Variants in GAS2L1 observed in about 807,000 individuals in gnomAD.
GAS2L1 encodes the protein GAS2-like protein 1.
GAS2L1 carries 26 observed loss-of-function variants against 44.0 expected under a neutral mutation model. That is an observed-to-expected ratio of 0.59 (90% CI 0.43 to 0.82). The LOEUF is 0.82. Among genes scored for constraint, GAS2L1 ranks in the 40% least tolerant of loss-of-function variants. The pLI is 0.00. For missense variants in GAS2L1, 1,006 were observed against 983.0 expected, an observed-to-expected ratio of 1.02 and a Z score of -0.31; for synonymous variants, 426 against 415.9, an observed-to-expected ratio of 1.02 and a Z score of -0.30.
intron 1 of GAS2L1, among the ~76,000 whole-genome samples, chr22:29,309,114 C>G (rs1457602866): frequency 1.3e-5 from 2 of 152,220 alleles, no homozygotes; most frequent in Non-Finnish European, 2.9e-5. Context: ...CAGATGTACC[C>G]ACAACCTCAT....
exon 5 of GAS2L1, chr22:29,312,105 G>A: frequency 1.2e-6 from 2 of 1,612,816 alleles, no homozygotes; most frequent in Non-Finnish European, 1.7e-6. Flanking sequence ...TCGGGCCCCC[G>A]ACCCTCCAGC....
exon 5 of GAS2L1, chr22:29,312,240 G>C (rs1363317592): frequency 6.2e-7 from 1 of 1,612,928 alleles, no homozygotes; most frequent in Non-Finnish European, 8.5e-7. Context: ...CCGAAGCCAA[G>C]CCCTTTCCAG....
rs61737777 is a variant in GAS2L1, at chr22:29,310,929, G to A, written c.941G>A (p.Arg314Gln). 1,146 of 1,613,704 alleles carry A rather than the reference G, an allele frequency of 7.1e-4. 6 individuals are homozygous for A. The African/African-American group carries it at 0.011, about 15-fold the overall frequency. The change falls in exon 4 of 5, where the codon CGG becomes CAG. Residue 314 changes from arginine to glutamine, a missense_variant. Transcript: ENST00000618518. ...AGCCCAGTCCCTGGGAGTGAGCGCC[G>A]GGGCTCCCGGCCTGAGATGACTCCC...
At chr22:29,308,625 G>T in exon 1 of GAS2L1, 1 of 1,583,854 alleles carries the variant, frequency 6.3e-7, no homozygotes, top group Non-Finnish European at 8.6e-7. Context: ...TGCACCCCCA[G>T]CCCCCAACGC....
intron 1 of GAS2L1, 162 bp from the exon 3 acceptor site, chr22:29,310,277 T>G (rs866554140): frequency 1.3e-4 from 52 of 394,940 alleles, no homozygotes; most frequent in African/African-American, 1.0e-3. Context: ...ATAAAAAAAA[T>G]AAAAGAAAGG....
exon 1 of GAS2L1, chr22:29,308,648 G>T: frequency 1.9e-6 from 3 of 1,568,078 alleles, no homozygotes; most frequent in Non-Finnish European, 2.6e-6. Flanking sequence ...CTGCCGCTGG[G>T]GAGGACACCA....
chr22:29,310,259 AAAAAAAAAT>A (rs1249334524), intron 1 of GAS2L1, 171 bp from the exon 3 acceptor site: 25 of 328,878 alleles, frequency 7.6e-5, no homozygotes, highest in South Asian at 2.4e-4. Flanking sequence ...AAAAAAAAAT[AAAAAAAAAT>A]AAAAAAAATA....
exon 1 of GAS2L1, chr22:29,308,012 G>A: frequency 9.8e-7 from 1 of 1,020,930 alleles, no homozygotes; most frequent in Non-Finnish European, 1.3e-6. Context: ...ACTGGTGCAG[G>A]TGGCCAGCAG....
intron 1 of GAS2L1, among the ~76,000 whole-genome samples, chr22:29,309,354 C>A (rs1440245599): frequency 6.6e-6 from 1 of 152,236 alleles, no homozygotes; most frequent in Non-Finnish European, 1.5e-5. Context: ...CTGGGCCCTG[C>A]CCCCAAGTCT....
At chr22:29,311,968 C>T in exon 5 of GAS2L1, 1 of 1,609,292 alleles carries the variant, frequency 6.2e-7, no homozygotes, top group Non-Finnish European at 8.5e-7. Flanking sequence ...TTCCGCACAC[C>T]CCTGCAGCTC....
exon 5 of GAS2L1, chr22:29,311,535 G>T (rs574715308): frequency 1.3e-6 from 2 of 1,541,828 alleles, no homozygotes; most frequent in Non-Finnish European, 1.7e-6. Context: ...AGCCTCCTCC[G>T]CCCAGAGCGG....
exon 1 of GAS2L1, chr22:29,308,152 T>C: frequency 6.3e-7 from 1 of 1,586,102 alleles, no homozygotes. Context: ...GCCAAGAGCG[T>C]GCGGCCATTT....
rs370537291 is a variant in GAS2L1 at position 29,311,817 on chromosome 22, T to A, written c.1366T>A (p.Ser456Thr). Residue 456 changes from serine to threonine, a missense_variant, in exon 5 of 5, where the codon TCA becomes ACA. Coordinates refer to ENST00000618518, the Ensembl canonical transcript of GAS2L1. ...GCGCAGGGATCGAGACGGGCAGCAC[T>A]CATGGGTGCCAAGGGGCAGGGGCAG... 99 of 1,589,194 alleles carry A rather than the reference T, an allele frequency of 6.2e-5. No individual in the cohort carries two copies. The African/African-American group carries it at 1.2e-3, about 19-fold the overall frequency.
chr22:29,309,670 T>A (rs115157955), intron 1 of GAS2L1, among the ~76,000 whole-genome samples: 526 of 152,290 alleles, frequency 3.5e-3, no homozygotes, highest in African/African-American at 0.012. Context: ...ACCCGGCCAG[T>A]GGTCTGTGTG....
At chr22:29,311,611 T>A in exon 5 of GAS2L1, 2 of 1,538,672 alleles carry the variant, frequency 1.3e-6, no homozygotes, top group South Asian at 2.4e-5. Flanking sequence ...AGCCGGCGGC[T>A]GACCACAGGC....
Position 29,311,820 on chromosome 22 carries a change from T to C in GAS2L1, c.1369T>C (p.Trp457Arg), listed in dbSNP as rs757425547. ...CAGGGATCGAGACGGGCAGCACTCA[T>C]GGGTGCCAAGGGGCAGGGGCAGTGG... Residue 457 changes from tryptophan (W) to arginine (R), a missense_variant, in exon 5 of 5, where the codon TGG becomes CGG. By Grantham distance (101) the Trp-to-Arg change is moderately radical. Coordinates refer to ENST00000618518, the Ensembl canonical transcript of GAS2L1. 8 of 1,589,790 alleles carry C rather than the reference T, an allele frequency of 5.0e-6. No homozygotes were observed. The Admixed American group carries it at 1.2e-4, about 24-fold the overall frequency.
intron 1 of GAS2L1, 181 bp from the exon 3 acceptor site, chr22:29,310,247 AAAAAAAAAAAT>A: frequency 1.2e-5 from 4 of 332,678 alleles, no homozygotes; most frequent in Non-Finnish European, 2.2e-5. Context: ...CAACTCAAAA[AAAAAAAAAAAT>A]AAAAAAAAAT....
chr22:29,312,026 CCTGGCCAATGCCCGG>C, exon 5 of GAS2L1: 1 of 1,612,328 alleles, frequency 6.2e-7, no homozygotes, highest in African/African-American at 1.3e-5. Flanking sequence ...AAGAGGAGTT[CCTGGCCAATGCCCGG>C]GCCCTTGAGG....
Position 29,310,348 on chromosome 22 carries a change from G to A in GAS2L1, c.634-91G>A, listed in dbSNP as rs991005395. 3.8e-5 allele frequency: 28 copies of A among 731,546 alleles called. No homozygotes were observed. The East Asian group carries it at 6.2e-4, about 16-fold the overall frequency. The allele number at this position is 731,546 out of a possible 1,614,324, so 45.3% of individuals were successfully genotyped here. ...CTGCCTCCATCCACTTACCCGGAAA[G>A]CCTGACTTCCTCCTGACCCTGGAAT... On this transcript the variant is annotated intron_variant, in intron 1 of 4. Transcript: ENST00000618518.
Sources: gnomAD v4.1 joint callset for allele counts (sites outside exome capture counted in the v4.1 genomes callset) on GRCh38, gnomAD v4.1.1 for gene constraint, MANE v1.5 for transcripts, NCBI Gene and HGNC (gene_info 2026-07-23, HGNC 2026-07-21) for gene names.